The following GPR35 variants were observed in gnomAD, a reference collection of about 807,000 sequenced individuals.
GPR35 encodes G protein-coupled receptor 35, also known as KYNA receptor.
For synonymous variants in GPR35, 207 were observed against 198.4 expected (o/e 1.04, Z -0.36); for missense variants, 372 against 422.5 (o/e 0.88, Z 1.05).
At chr2:240,616,779 T>C (rs1359243105) in intron 3 of GPR35, among the ~76,000 whole-genome samples, 1 of 150,724 alleles carries the variant, frequency 6.6e-6, no homozygotes, top group Admixed American at 6.6e-5. Context: ...GTGTTGTCTC[T>C]TCCGTGATTA....
At position 240,630,365 on chromosome 2, in the gene GPR35, C is replaced by T. The variant is rs558984471; in HGVS notation, c.413C>T (p.Ala138Val). 2.1e-5 allele frequency: 33 copies of T among 1,608,080 alleles called. No homozygotes were observed. Among genetic ancestry groups the T allele is most frequent in the Middle Eastern group, 3.3e-4 (2 of 6,034 alleles). The change falls in exon 2 of 2, where the codon GCG (alanine) becomes GTG (valine). Residue 138 changes from alanine to valine, a missense_variant. Physicochemically the swap from Ala to Val is moderately conservative, Grantham distance 64. Transcript: ENST00000407714. ...RSPRQAAAVC[A>V]VLWVLVIGSL... ...CCCAGGCAGGCTGCGGCCGTGTGCG[C>T]GGTCCTCTGGGTGCTGGTCATCGGC...
At chr2:240,614,884 G>A (rs2043223629) in intron 2 of GPR35, among the ~76,000 whole-genome samples, 1 of 151,258 alleles carries the variant, frequency 6.6e-6, no homozygotes, top group South Asian at 2.1e-4. Context: ...CTATATATAT[G>A]TGTATGTGTA....
Position 240,630,351 on chromosome 2 carries a change from T to C in GPR35, c.399T>C (p.Ala133=), listed in dbSNP as rs755895284. The C allele has an allele frequency of 1.2e-6, 2 of 1,603,900 alleles. No homozygotes were observed. Among genetic ancestry groups the C allele is most frequent in the East Asian group, 2.2e-5 (1 of 44,790 alleles). The change falls in exon 2 of 2, where the codon GCT becomes GCC. Residue 133 remains alanine (A), a synonymous_variant. Coordinates refer to ENST00000407714, the MANE Select transcript of GPR35 (RefSeq NM_005301.5). The part of the protein sequence containing the change: ...RARGLRSPRQ[A]AAVCAVLWVL... ...GCGGGCTGCGGTCCCCCAGGCAGGC[T>C]GCGGCCGTGTGCGCGGTCCTCTGGG...
At position 240,631,828 on chromosome 2, in the gene GPR35, C is replaced by A. The variant is rs2043452314; in HGVS notation, c.*946C>A. ...AGTGTGGGCCAGCACGGCCTGGGCT[C>A]AAACCCCATCCTGTCATCCCATATT... is the stretch of plus-strand genomic sequence containing the variant. On this transcript the variant is annotated 3_prime_UTR_variant, in exon 2 of 2. Transcript: ENST00000407714. 6.6e-6 allele frequency among the ~76,000 whole-genome samples: 1 copy of A among 152,210 alleles called. No individual in the cohort carries two copies. Among genetic ancestry groups the A allele is most frequent in the Non-Finnish European group, 1.5e-5 (1 of 68,034 alleles).
chr2:240,614,051 A>T (rs184061223), intron 2 of GPR35, among the ~76,000 whole-genome samples: 5 of 148,506 alleles, frequency 3.4e-5, no homozygotes, highest in African/African-American at 1.2e-4. Flanking sequence ...GTGGGCCCTA[A>T]CGCTAACCCT....
upstream of GPR35, among the ~76,000 whole-genome samples, chr2:240,623,348 C>CGCAAACAGGTCGTGAGGGT (rs1559437529): frequency 2.1e-5 from 2 of 94,156 alleles, no homozygotes; most frequent in African/African-American, 6.9e-5. Flanking sequence ...GTCGTGAGGG[C>CGCAAACAGGTCGTGAGGGT]GCAAACAGGT....
At chr2:240,623,208 G>C (rs901588664), upstream of GPR35, among the ~76,000 whole-genome samples, 8 of 152,244 alleles carry the variant, frequency 5.3e-5, no homozygotes, top group South Asian at 2.1e-4. Context: ...GAAGCAGATA[G>C]AGTCCCACAA....
chr2:240,610,117 G>A (rs542992189), intron 2 of GPR35, among the ~76,000 whole-genome samples: 7 of 152,002 alleles, frequency 4.6e-5, no homozygotes, highest in East Asian at 1.9e-4. Flanking sequence ...CCACCACTGC[G>A]CCTGGCTAAT....
chr2:240,611,122 GT>G (rs1185738652), intron 2 of GPR35, among the ~76,000 whole-genome samples: 1 of 151,242 alleles, frequency 6.6e-6, no homozygotes, highest in African/African-American at 2.4e-5. Context: ...GTTTGTTTTT[GT>G]TTTTGTTTTT....
At chr2:240,619,510 G>C (rs1192408264) in intron 5 of GPR35, among the ~76,000 whole-genome samples, 1 of 152,198 alleles carries the variant, frequency 6.6e-6, no homozygotes, top group Non-Finnish European at 1.5e-5. Context: ...TGCCTCAGTG[G>C]CTCCTGGGCG....
At chr2:240,617,130 C>A in exon 4 of GPR35, 1 of 710,222 alleles carries the variant, frequency 1.4e-6, no homozygotes, top group East Asian at 2.7e-5. Context: ...CGTAGCTGAG[C>A]CTTCTGATGA....
intron 3 of GPR35, chr2:240,616,545 A>G (rs1236045955): frequency 2.6e-6 from 2 of 772,258 alleles, no homozygotes; most frequent in Admixed American, 3.4e-5. Context: ...AGCCCACTTC[A>G]TCAGCAGGGC....
chr2:240,614,161 C>G (rs1430299715), intron 2 of GPR35, among the ~76,000 whole-genome samples: 1 of 152,112 alleles, frequency 6.6e-6, no homozygotes, highest in African/African-American at 2.4e-5. Context: ...AGCACTAACC[C>G]TAACTCCAAC....
chr2:240,610,285 A>G (rs1204734145), intron 2 of GPR35, among the ~76,000 whole-genome samples: 6 of 151,940 alleles, frequency 3.9e-5, no homozygotes, highest in Admixed American at 3.9e-4. Flanking sequence ...TTATTTTGCA[A>G]TATTCCCTAT....
Position 240,632,197 on chromosome 2 carries a change from G to T in GPR35, c.*1315G>T, listed in dbSNP as rs992174118. Among the ~76,000 whole-genome samples, 5 of 151,686 alleles carry T rather than the reference G, an allele frequency of 3.3e-5. No homozygotes were observed. Among genetic ancestry groups the T allele is most frequent in the Admixed American group, 2.6e-4 (4 of 15,262 alleles). ...AGGGTGTCCATGCCTGGTTGGGGGG[G>T]GTCTATGTCCAGGAGGGTCCCATGC... On this transcript the variant is annotated 3_prime_UTR_variant, in exon 2 of 2. Transcript: ENST00000407714.
In GPR35 at chr2:240,630,792, C is replaced by T; in HGVS notation, c.840C>T (p.Ala280=). 2 of 1,613,480 alleles carry T rather than the reference C, an allele frequency of 1.2e-6. No homozygotes were observed. Among genetic ancestry groups the T allele is most frequent in the Non-Finnish European group, 1.7e-6 (2 of 1,180,016 alleles). The change falls in exon 2 of 2, where the codon GCC becomes GCT. Residue 280 remains alanine, a synonymous_variant. Coordinates refer to ENST00000407714, the MANE Select transcript of GPR35 (RefSeq NM_005301.5). ...ACGCCATCTGCTACTACTACATGGCCAAGGAGTTCCAGGAGGCGTCTGCAC... is the reference window on the plus strand; with the variant it reads ...ACGCCATCTGCTACTACTACATGGCTAAGGAGTTCCAGGAGGCGTCTGCAC... The part of the protein sequence containing the change: ...CLDAICYYYM[A]KEFQEASALA...
At chr2:240,613,460 C>T (rs1056922142) in intron 2 of GPR35, among the ~76,000 whole-genome samples, 3 of 152,070 alleles carry the variant, frequency 2.0e-5, no homozygotes, top group Non-Finnish European at 4.4e-5. Context: ...GGACCCCAAC[C>T]CTAATGCTAA....
upstream of GPR35, among the ~76,000 whole-genome samples, chr2:240,622,305 A>G (rs1316810118): frequency 4.6e-5 from 7 of 152,166 alleles, no homozygotes; most frequent in Admixed American, 3.9e-4. Context: ...TCGTATGACC[A>G]TGGGCTGTGG....
At chr2:240,623,558 G>T (rs533866565), upstream of GPR35, among the ~76,000 whole-genome samples, 2 of 152,202 alleles carry the variant, frequency 1.3e-5, no homozygotes, top group East Asian at 1.9e-4. Flanking sequence ...GGTGAGCGGG[G>T]AGCTAGGAGA....
Sources: allele counts gnomAD v4.1 joint callset (sites outside exome capture counted in the v4.1 genomes callset), GRCh38; gene constraint gnomAD v4.1.1; transcripts MANE v1.5; gene names NCBI Gene and HGNC (gene_info 2026-07-23, HGNC 2026-07-21).